Variants in MED31 observed in about 807,000 individuals in gnomAD.
MED31 encodes the protein mediator complex subunit 31, also known as mediator of RNA polymerase II transcription subunit 31.
In MED31, 11 loss-of-function variants were observed where a neutral mutation model predicts 22.0. The observed-to-expected ratio is 0.50, with a 90% CI of 0.31 to 0.83. The LOEUF (loss-of-function observed/expected upper bound fraction) is 0.83. Ranked by LOEUF, MED31 falls within the 40% of genes least tolerant of loss-of-function variation. MED31 has a pLI of 0.04. For synonymous variants in MED31, 60 were observed against 55.1 expected (o/e 1.09, Z -0.40); for missense variants, 122 against 155.3 (o/e 0.79, Z 1.14).
In MED31 at chr17:6,650,395, C is replaced by T. The variant is rs1403014361; in HGVS notation, c.67G>A (p.Glu23Lys). ...GGGTTGGCTAAACATTGCACAAATTCCAACTCCAACTGAAACCGAAGTCGA... is the reference window on the plus strand; with the variant it reads ...GGGTTGGCTAAACATTGCACAAATTTCAACTCCAACTGAAACCGAAGTCGA... ...GNRLRFQLEL[E>K]FVQCLANPNY... The change falls in exon 2 of 4, where the codon GAA becomes AAA. Residue 23 changes from glutamate to lysine, a missense_variant. Transcript: ENST00000225728. 1.2e-6 allele frequency: 2 copies of T among 1,614,086 alleles called. No individual in the cohort carries two copies. The highest frequency in any genetic ancestry group is 1.7e-6 in the Non-Finnish European group (2 of 1,180,000).
At chr17:6,645,397 CA>C (rs1972754000) in intron 3 of MED31, among the ~76,000 whole-genome samples, 1 of 152,032 alleles carries the variant, frequency 6.6e-6, no homozygotes, top group Non-Finnish European at 1.5e-5. Flanking sequence ...GGCCTAGAAG[CA>C]ATGACACTGT....
chr17:6,646,166 GAAC>G (rs1394200313), intron 3 of MED31, among the ~76,000 whole-genome samples: 1 of 152,128 alleles, frequency 6.6e-6, no homozygotes, highest in East Asian at 1.9e-4. Flanking sequence ...CACACCAGCA[GAAC>G]AACTGGCAAA....
chr17:6,648,940 T>G (rs4796342), intron 3 of MED31, among the ~76,000 whole-genome samples: 44,454 of 152,102 alleles, frequency 0.29, 7,856 homozygotes, highest in African/African-American at 0.49. Context: ...TAAATCTACA[T>G]ACATACAATA....
chr17:6,644,405 T>C lies in MED31; in HGVS notation c.*62A>G. 6.8e-7 allele frequency: 1 copy of C among 1,461,100 alleles called. No homozygotes were observed. Among genetic ancestry groups the C allele is most frequent in the Non-Finnish European group, 9.1e-7 (1 of 1,104,484 alleles). 90.5% of individuals were successfully genotyped at this position (1,461,100 alleles called of 1,614,324 possible). ...AGGAAGAGTTTTCATTTTTTTTGTC[T>C]TCACTGTACAAAAGAAATACATTAT... On this transcript the variant is annotated 3_prime_UTR_variant, in exon 4 of 4. Coordinates refer to ENST00000225728, the MANE Select transcript of MED31 (RefSeq NM_016060.3).
chr17:6,647,453 T>G (rs553755089), intron 3 of MED31, among the ~76,000 whole-genome samples: 1 of 152,236 alleles, frequency 6.6e-6, no homozygotes, highest in African/African-American at 2.4e-5. Flanking sequence ...TCTAAAACTT[T>G]AATGTGTATA....
In MED31 at chr17:6,643,869, C is replaced by T. The variant is rs1453697633; in HGVS notation, c.*598G>A. The T allele has an allele frequency of 5.4e-6, 2 of 372,378 alleles. No homozygotes were observed. Among genetic ancestry groups the T allele is most frequent in the African/African-American group, 4.2e-5 (2 of 48,042 alleles). The allele number at this position is 372,378 out of a possible 1,614,324, so 23.1% of individuals were successfully genotyped here. A position where few individuals can be genotyped will look rare whatever the true frequency, so the allele number is the denominator to read the frequency against. On this transcript the variant is annotated 3_prime_UTR_variant, in exon 4 of 4. Transcript: ENST00000225728. ...GTCAAGAGTCCAGTTAGTAACTAACCACTAGTTGTCCTGCCATGACTAGGT... is the reference window on the plus strand; with the variant it reads ...GTCAAGAGTCCAGTTAGTAACTAACTACTAGTTGTCCTGCCATGACTAGGT...
Position 6,651,537 on chromosome 17 carries a change from A to G in MED31, c.-9T>C. The G allele has an allele frequency of 5.0e-6, 8 of 1,614,098 alleles. No individual in the cohort carries two copies. The highest frequency in any genetic ancestry group is 1.3e-5 in the African/African-American group (1 of 75,054). ...GCGACAGCAGCGGCCATAACAAACGAAGACACCAAAACGCCACCAGCCTGA... is the reference window on the plus strand; with the variant it reads ...GCGACAGCAGCGGCCATAACAAACGGAGACACCAAAACGCCACCAGCCTGA... On this transcript the variant is annotated 5_prime_UTR_variant, in exon 1 of 4. Coordinates refer to ENST00000225728, the MANE Select transcript of MED31 (RefSeq NM_016060.3).
rs967445438 is a variant in MED31 at position 6,643,549 on chromosome 17, T to G, written c.*918A>C. The G allele has an allele frequency of 2.0e-5, 3 of 152,912 alleles. No homozygotes were observed. 9.5% of individuals were successfully genotyped at this position (152,912 alleles called of 1,614,324 possible). On this transcript the variant is annotated 3_prime_UTR_variant, in exon 4 of 4. Transcript: ENST00000225728. ...TTGCAGCTGTCTCAATGTGCTTTAC[T>G]TGGGATGAGGCAGGTGGCGGAGAGC...
chr17:6,650,295 C>T, intron 2 of MED31, 61 bp downstream of exon 2: 1 of 1,519,148 alleles, frequency 6.6e-7, no homozygotes, highest in Non-Finnish European at 9.1e-7. Flanking sequence ...TTTTGAACTG[C>T]AACTCTTCTG....
At position 6,644,435 on chromosome 17, in the gene MED31, A is replaced by T; in HGVS notation, c.*32T>A. The T allele has an allele frequency of 6.5e-7, 1 of 1,549,292 alleles. No individual in the cohort carries two copies. On this transcript the variant is annotated 3_prime_UTR_variant, in exon 4 of 4. Transcript: ENST00000225728. Reference sequence around the variant, plus strand: ...TGTACAAAAGAAATACATTATATACATGTATTAAGTGCCTCGTTTGTATCC... The same window carrying T: ...TGTACAAAAGAAATACATTATATACTTGTATTAAGTGCCTCGTTTGTATCC...
intron 3 of MED31, 23 bp from the exon 4 acceptor site, chr17:6,644,682 A>C (rs1972744918): frequency 6.5e-7 from 1 of 1,534,924 alleles, no homozygotes; most frequent in Non-Finnish European, 8.7e-7. Context: ...TTGTAAGTGA[A>C]TGAACAACAT....
intron 3 of MED31, among the ~76,000 whole-genome samples, chr17:6,649,622 A>G (rs1972806757): frequency 6.6e-6 from 1 of 152,250 alleles, no homozygotes; most frequent in Admixed American, 6.5e-5. Flanking sequence ...GCTTTAGTCC[A>G]AGAAAAAAGA....
At chr17:6,644,920 G>A (rs770286648) in intron 3 of MED31, among the ~76,000 whole-genome samples, 5 of 152,214 alleles carry the variant, frequency 3.3e-5, no homozygotes, top group Non-Finnish European at 5.9e-5. Flanking sequence ...GGTAAGCAGA[G>A]TGAAAATTTA....
At chr17:6,651,435 C>A in intron 1 of MED31, 66 bp downstream of exon 1, 5 of 1,602,444 alleles carry the variant, frequency 3.1e-6, no homozygotes, top group Non-Finnish European at 4.3e-6. Flanking sequence ...AAGGAGGCCA[C>A]GGGGAAGAGG....
intron 1 of MED31, chr17:6,651,288 G>T: frequency 1.6e-6 from 1 of 614,242 alleles, no homozygotes; most frequent in Non-Finnish European, 2.8e-6. Flanking sequence ...GAGCTGGTGG[G>T]GTGGTGTCTG....
chr17:6,649,236 T>A (rs1032374798), intron 3 of MED31, among the ~76,000 whole-genome samples: 37 of 147,484 alleles, frequency 2.5e-4, no homozygotes, highest in African/African-American at 8.9e-4. Flanking sequence ...TTTTTTTTTT[T>A]AACCATTAAA....
At chr17:6,646,815 G>A (rs1290824920) in intron 3 of MED31, among the ~76,000 whole-genome samples, 1 of 152,220 alleles carries the variant, frequency 6.6e-6, no homozygotes, top group African/African-American at 2.4e-5. Context: ...GTGCTGAGGA[G>A]GAGTAGTGAA....
chr17:6,646,168 A>G (rs1321158365), intron 3 of MED31, among the ~76,000 whole-genome samples: 1 of 152,232 alleles, frequency 6.6e-6, no homozygotes, highest in Admixed American at 6.5e-5. Flanking sequence ...CACCAGCAGA[A>G]CAACTGGCAA....
rs753648501 is a variant in MED31, at chr17:6,644,632, C to T, written c.231G>A (p.Glu77=). The change falls in exon 4 of 4, where the codon GAG becomes GAA. Residue 77 remains glutamate, a synonymous_variant. Transcript: ENST00000225728. ...TTCGGAAGTGTTCATATTGGAGCAG[C>T]TCTAACATGTGTAAACACTGAGGGT... The part of the protein sequence containing the change: ...LKYPQCLHML[E]LLQYEHFRKE... The T allele has an allele frequency of 3.1e-6, 5 of 1,602,096 alleles. No individual in the cohort carries two copies. The highest frequency in any genetic ancestry group is 1.1e-5 in the South Asian group (1 of 88,204).
Sources: gnomAD v4.1 joint callset for allele counts (sites outside exome capture counted in the v4.1 genomes callset) on GRCh38, gnomAD v4.1.1 for gene constraint, MANE v1.5 for transcripts, NCBI Gene and HGNC (gene_info 2026-07-23, HGNC 2026-07-21) for gene names.